Variants in RAD51B observed in about 807,000 individuals in gnomAD.
The protein encoded by RAD51B is RAD51 paralog B.
RAD51B carries 38 observed loss-of-function variants against 42.2 expected under a neutral mutation model. The ratio of observed to expected loss-of-function variants is 0.90; its 90% CI spans 0.70 to 1.18. RAD51B has a LOEUF of 1.18. RAD51B is among the 50% of genes most tolerant of loss of function. The pLI, the probability that RAD51B is intolerant of heterozygous loss-of-function variation, is 0.00. For synonymous variants in RAD51B, 154 were observed against 145.2 expected (o/e 1.06, Z -0.43); for missense variants, 373 against 400.7 (o/e 0.93, Z 0.59).
intron 4 of RAD51B, among the ~76,000 whole-genome samples, chr14:67,846,474 G>T (rs7152727): frequency 0.024 from 3,706 of 152,260 alleles, 71 homozygotes; most frequent in African/African-American, 0.055. Flanking sequence ...CCAGCAAAAC[G>T]GTAGGGCAGG....
At chr14:68,400,248 G>A (rs770448404) in intron 8 of RAD51B, among the ~76,000 whole-genome samples, 14 of 152,306 alleles carry the variant, frequency 9.2e-5, no homozygotes, top group Non-Finnish European at 1.2e-4. Context: ...AAAGTACTTC[G>A]TTGGATATGT....
chr14:67,886,998 T>C (rs745964896), intron 6 of RAD51B, 23 bp from the exon 7 acceptor site: 2 of 1,387,210 alleles, frequency 1.4e-6, no homozygotes, highest in Admixed American at 2.3e-5. Context: ...TTATTGACTA[T>C]TTTATAAATT....
chr14:68,517,234 G>A (rs1299118874), intron 10 of RAD51B, among the ~76,000 whole-genome samples: 1 of 145,722 alleles, frequency 6.9e-6, no homozygotes, highest in Non-Finnish European at 1.5e-5. Context: ...GGAAGGGAAG[G>A]AAAGGAAAGG....
intron 7 of RAD51B, among the ~76,000 whole-genome samples, chr14:68,092,624 A>G (rs2077120769): frequency 6.6e-6 from 1 of 152,194 alleles, no homozygotes; most frequent in South Asian, 2.1e-4. Flanking sequence ...TTTTCTAGAT[A>G]TACAATCATG....
intron 7 of RAD51B, among the ~76,000 whole-genome samples, chr14:68,152,164 C>T (rs1346205414): frequency 3.3e-5 from 5 of 151,986 alleles, no homozygotes. Flanking sequence ...TTTTAATGTT[C>T]TCGTGTTATG....
At chr14:68,400,752 A>T (rs1241941385) in intron 8 of RAD51B, among the ~76,000 whole-genome samples, 2 of 152,234 alleles carry the variant, frequency 1.3e-5, no homozygotes, top group African/African-American at 4.8e-5. Context: ...AGATTTCTTT[A>T]AATGGTTAGG....
In RAD51B at chr14:68,440,569, A is replaced by AC. The variant is rs2085261247; in HGVS notation, c.958-27599dup. On this transcript the variant is annotated intron_variant, in intron 9 of 10. Transcript: ENST00000471583. Reference sequence around the variant, plus strand: ...AGACCAGCCTGGCCAACATGGTGAAACCCCGTCTCTACTAAAAAATACAAA... The same window carrying AC: ...AGACCAGCCTGGCCAACATGGTGAAACCCCCGTCTCTACTAAAAAATACAAA... Among the ~76,000 whole-genome samples, 6 of 152,018 alleles carry AC rather than the reference A, an allele frequency of 3.9e-5. 1 individual carries two copies. Among genetic ancestry groups the AC allele is most frequent in the Admixed American group, 3.9e-4 (6 of 15,268 alleles).
At chr14:68,375,487 C>G (rs2083349698) in intron 8 of RAD51B, among the ~76,000 whole-genome samples, 2 of 152,166 alleles carry the variant, frequency 1.3e-5, no homozygotes, top group African/African-American at 4.8e-5. Context: ...TTTCTCAGGG[C>G]TACTTTCCCA....
At chr14:68,436,686 G>A (rs1159712338) in intron 9 of RAD51B, among the ~76,000 whole-genome samples, 1 of 152,070 alleles carries the variant, frequency 6.6e-6, no homozygotes, top group African/African-American at 2.4e-5. Context: ...GATCCTCTCT[G>A]ATTTCTTTTA....
intron 7 of RAD51B, among the ~76,000 whole-genome samples, chr14:68,257,410 T>C (rs1052517545): frequency 6.6e-6 from 1 of 152,054 alleles, no homozygotes; most frequent in Admixed American, 6.6e-5. Flanking sequence ...AAAATTAAAA[T>C]AAAATTAATT....
intron 7 of RAD51B, among the ~76,000 whole-genome samples, chr14:68,120,710 C>A (rs746383041): frequency 2.0e-5 from 3 of 151,950 alleles, no homozygotes; most frequent in Non-Finnish European, 4.4e-5. Flanking sequence ...AAGTAAGGGT[C>A]CTCATTTAAT....
intron 5 of RAD51B, among the ~76,000 whole-genome samples, chr14:67,881,940 C>T (rs1169102443): frequency 6.6e-6 from 1 of 152,112 alleles, no homozygotes. Flanking sequence ...GAGTTGATCA[C>T]TCACTTTTTC....
intron 10 of RAD51B, among the ~76,000 whole-genome samples, chr14:68,639,292 G>C (rs1892406227): frequency 6.6e-6 from 1 of 152,198 alleles, no homozygotes; most frequent in Non-Finnish European, 1.5e-5. Context: ...CAAGAATCCT[G>C]AGTGAGGGGG....
chr14:68,465,951 A>AAATAAATAAAAT (rs58775455), intron 9 of RAD51B, among the ~76,000 whole-genome samples: 1 of 90,458 alleles, frequency 1.1e-5, no homozygotes, highest in African/African-American at 3.3e-5. Flanking sequence ...AAAAAAAAAA[A>AAATAAATAAAAT]AAATAAATAA....
chr14:67,984,854 T>C (rs2075155557), intron 7 of RAD51B, among the ~76,000 whole-genome samples: 1 of 152,226 alleles, frequency 6.6e-6, no homozygotes, highest in Admixed American at 6.5e-5. Flanking sequence ...TACATTTTAC[T>C]TTTTATTTAT....
intron 4 of RAD51B, among the ~76,000 whole-genome samples, chr14:67,844,606 T>C (rs1225804031): frequency 6.8e-6 from 1 of 147,144 alleles, no homozygotes; most frequent in Admixed American, 6.8e-5. Flanking sequence ...GTCTTTTATA[T>C]ATATATTATA....
chr14:67,890,364 T>C (rs1195751531), intron 7 of RAD51B, among the ~76,000 whole-genome samples: 6 of 151,766 alleles, frequency 4.0e-5, no homozygotes, highest in African/African-American at 1.4e-4. Context: ...AGAGATCTTT[T>C]AGCTGCCAGT....
chr14:68,682,257 A>G (rs1451852872), intron 11 of RAD51B, among the ~76,000 whole-genome samples: 2 of 152,178 alleles, frequency 1.3e-5, no homozygotes, highest in Non-Finnish European at 2.9e-5. Context: ...ATCTACACCA[A>G]TCTGTCTCCG....
intron 7 of RAD51B, among the ~76,000 whole-genome samples, chr14:68,277,003 C>T (rs554292426): frequency 6.6e-5 from 10 of 152,264 alleles, no homozygotes; most frequent in South Asian, 2.1e-4. Flanking sequence ...GTACTCAGGA[C>T]GGAGAGAACA....
Sources: gnomAD v4.1 joint callset for allele counts (sites outside exome capture counted in the v4.1 genomes callset) on GRCh38, gnomAD v4.1.1 for gene constraint, MANE v1.5 for transcripts, NCBI Gene and HGNC (gene_info 2026-07-23, HGNC 2026-07-21) for gene names.